The following KIRREL3 variants were observed in gnomAD, a reference collection of about 807,000 sequenced individuals.
KIRREL3 encodes kin of IRRE-like protein 3.
In KIRREL3, 36 loss-of-function variants were observed where a neutral mutation model predicts 89.7. That is an observed-to-expected ratio of 0.40 (90% confidence interval 0.31 to 0.53). KIRREL3 has a LOEUF of 0.53. KIRREL3 is among the 20% of genes least tolerant of loss of function. The pLI is 0.49. For missense variants in KIRREL3, 864 were observed against 1,056.6 expected (o/e 0.82, Z 2.53); for synonymous variants, 445 against 441.4 (o/e 1.01, Z -0.10).
At chr11:126,784,500 C>T (rs1014571236) in intron 1 of KIRREL3, among the ~76,000 whole-genome samples, 15 of 152,248 alleles carry the variant, frequency 9.9e-5, no homozygotes, top group African/African-American at 3.6e-4. Flanking sequence ...GTGTCAGTCT[C>T]CACTTACGTC....
intron 5 of KIRREL3, among the ~76,000 whole-genome samples, chr11:126,473,029 C>T (rs57512430): frequency 2.8e-4 from 14 of 49,694 alleles, no homozygotes; most frequent in African/African-American, 1.3e-3. Context: ...CACTATCCTC[C>T]CCTCTACCTA....
At chr11:126,854,126 TTGTGTGTG>T (rs375873911) in intron 1 of KIRREL3, among the ~76,000 whole-genome samples, 31 of 144,016 alleles carry the variant, frequency 2.2e-4, no homozygotes, top group African/African-American at 4.7e-4. Flanking sequence ...AATAAGTTTC[TTGTGTGTG>T]TGTGTGTGTG....
At chr11:126,937,450 G>A (rs926214431) in intron 1 of KIRREL3, among the ~76,000 whole-genome samples, 1 of 152,190 alleles carries the variant, frequency 6.6e-6, no homozygotes, top group Non-Finnish European at 1.5e-5. Context: ...TGGTTGACAG[G>A]CCCCGTCATT....
intron 4 of KIRREL3, among the ~76,000 whole-genome samples, chr11:126,511,884 G>A (rs935426961): frequency 5.9e-5 from 9 of 152,304 alleles, no homozygotes; most frequent in African/African-American, 1.2e-4. Context: ...GAGAAGCGGC[G>A]GGTTATTTTT....
At chr11:126,743,279 G>A (rs1341916181) in intron 1 of KIRREL3, among the ~76,000 whole-genome samples, 3 of 152,194 alleles carry the variant, frequency 2.0e-5, no homozygotes, top group African/African-American at 7.2e-5. Context: ...TTTATAGAAC[G>A]GTGAGCCTGG....
intron 1 of KIRREL3, among the ~76,000 whole-genome samples, chr11:126,921,430 T>TCTAC (rs1347493200): frequency 1.3e-5 from 2 of 151,308 alleles, no homozygotes; most frequent in Non-Finnish European, 3.0e-5. Context: ...TATCTATCTA[T>TCTAC]CTATCTATCT....
At chr11:126,596,618 G>C (rs893766072) in intron 1 of KIRREL3, among the ~76,000 whole-genome samples, 2 of 152,218 alleles carry the variant, frequency 1.3e-5, no homozygotes, top group Non-Finnish European at 2.9e-5. Flanking sequence ...TTTTTCTCTG[G>C]GAAGTGACTC....
At chr11:126,637,123 C>T (rs1427750691) in intron 1 of KIRREL3, among the ~76,000 whole-genome samples, 1 of 152,166 alleles carries the variant, frequency 6.6e-6, no homozygotes, top group Non-Finnish European at 1.5e-5. Context: ...TACTCTGTTA[C>T]TGCCTTTGCC....
chr11:126,997,195 A>C lies in KIRREL3; in HGVS notation c.55+3260T>G, dbSNP rs544007048. Among the ~76,000 whole-genome samples, 1 of 152,210 alleles carries C rather than the reference A, an allele frequency of 6.6e-6. No homozygotes were observed. The highest frequency in any genetic ancestry group is 1.5e-5 in the Non-Finnish European group (1 of 68,036). ...TAGTTGTGGGTGAACTGAAATGATAAAGAGGAAAAAATATAGCAAGTTCTA... is the reference window on the plus strand; with the variant it reads ...TAGTTGTGGGTGAACTGAAATGATACAGAGGAAAAAATATAGCAAGTTCTA... On this transcript the variant is annotated intron_variant, in intron 1 of 16. Coordinates refer to ENST00000525144, the MANE Select transcript of KIRREL3 (RefSeq NM_032531.4). The surrounding 1 kb of genome is among the most constrained non-coding windows in gnomAD (Gnocchi z 4.3).
intron 1 of KIRREL3, among the ~76,000 whole-genome samples, chr11:126,716,587 A>G (rs1182096151): frequency 6.6e-6 from 1 of 152,118 alleles, no homozygotes; most frequent in African/African-American, 2.4e-5. Context: ...GGAGCACAGA[A>G]GATTCCTGGG....
Position 126,437,091 on chromosome 11 carries a change from C to G in KIRREL3, c.1354-82G>C, listed in dbSNP as rs536116855. ...CACACCAGAGTCACAGTGCCACTGTCCTGCTCATGTTCATGCTCACTGCCA... is the reference window on the plus strand; with the variant it reads ...CACACCAGAGTCACAGTGCCACTGTGCTGCTCATGTTCATGCTCACTGCCA... On this transcript the variant is annotated intron_variant, in intron 11 of 16. Transcript: ENST00000525144. 7.7e-6 allele frequency: 10 copies of G among 1,295,864 alleles called. No individual in the cohort carries two copies. The Admixed American group carries it at 1.7e-4, about 22-fold the overall frequency. The allele number at this position is 1,295,864 out of a possible 1,614,324, so 80.3% of individuals were successfully genotyped here. A position where few individuals can be genotyped will look rare whatever the true frequency, so the allele number is the denominator to read the frequency against.
In KIRREL3 at chr11:126,953,905, A is replaced by G. The variant is rs1948845074; in HGVS notation, c.55+46550T>C. 6.6e-6 allele frequency among the ~76,000 whole-genome samples: 1 copy of G among 152,090 alleles called. No homozygotes were observed. Among genetic ancestry groups the G allele is most frequent in the Non-Finnish European group, 1.5e-5 (1 of 68,020 alleles). ...CCGCTTATTTATGTTAATCTGATTT[A>G]GATCTTTTCTTTTCCCCTTTCTTTC... On this transcript the variant is annotated intron_variant, in intron 1 of 16. Coordinates refer to ENST00000525144, the MANE Select transcript of KIRREL3 (RefSeq NM_032531.4). The surrounding 1 kb of genome is among the most constrained non-coding windows in gnomAD (Gnocchi z 5.2).
intron 4 of KIRREL3, among the ~76,000 whole-genome samples, chr11:126,502,536 A>C (rs1281561991): frequency 6.6e-6 from 1 of 152,236 alleles, no homozygotes; most frequent in African/African-American, 2.4e-5. Context: ...TTTTAAGACC[A>C]GCAGCTGGAG....
At position 126,708,718 on chromosome 11, in the gene KIRREL3, C is replaced by T. The variant is rs1947639867; in HGVS notation, c.56-145806G>A. 6.6e-6 allele frequency among the ~76,000 whole-genome samples: 1 copy of T among 152,158 alleles called. No homozygotes were observed. Among genetic ancestry groups the T allele is most frequent in the Admixed American group, 6.5e-5 (1 of 15,292 alleles). ...TCCTCTCCCATTTCTCCGGGGCCTC[C>T]AGGGCCCTCCCGCACATTCAGCATG... On this transcript the variant is annotated intron_variant, in intron 1 of 16. Coordinates refer to ENST00000525144, the MANE Select transcript of KIRREL3 (RefSeq NM_032531.4). The surrounding 1 kb of genome is among the most constrained non-coding windows in gnomAD (Gnocchi z 5.7).
chr11:126,863,545 G>A (rs1005367338), intron 1 of KIRREL3, among the ~76,000 whole-genome samples: 2 of 151,328 alleles, frequency 1.3e-5, no homozygotes, highest in South Asian at 4.2e-4. Context: ...GCGTGTGAGT[G>A]TGTGAGTGCA....
chr11:126,673,785 C>T (rs1946064308), intron 1 of KIRREL3, among the ~76,000 whole-genome samples: 1 of 152,188 alleles, frequency 6.6e-6, no homozygotes, highest in Non-Finnish European at 1.5e-5. Flanking sequence ...TAATCCTTGC[C>T]CTGCTCATAG....
At chr11:126,637,275 T>C (rs1034496631) in intron 1 of KIRREL3, among the ~76,000 whole-genome samples, 1 of 152,198 alleles carries the variant, frequency 6.6e-6, no homozygotes, top group Non-Finnish European at 1.5e-5. Context: ...GAAAATTCAG[T>C]AATTAGCAGT....
At chr11:126,801,762 A>T (rs2134395629) in intron 1 of KIRREL3, among the ~76,000 whole-genome samples, 1 of 152,280 alleles carries the variant, frequency 6.6e-6, no homozygotes, top group Admixed American at 6.5e-5. Context: ...ATAAATTCTT[A>T]GTTAATATTT....
intron 1 of KIRREL3, among the ~76,000 whole-genome samples, chr11:126,722,672 G>C (rs1948221576): frequency 6.6e-6 from 1 of 152,240 alleles, no homozygotes; most frequent in African/African-American, 2.4e-5. Flanking sequence ...GCCTTTTCCA[G>C]GAAAAATGTG....
Sources: allele counts gnomAD v4.1 joint callset (sites outside exome capture counted in the v4.1 genomes callset), GRCh38; gene constraint gnomAD v4.1.1; non-coding constraint Gnocchi (gnomAD v3.1); transcripts MANE v1.5; gene names NCBI Gene and HGNC (gene_info 2026-07-23, HGNC 2026-07-21).